Variants in DTL observed in about 807,000 individuals in gnomAD.
DTL encodes denticleless protein homolog.
In DTL, 46 loss-of-function variants were observed where a neutral mutation model predicts 87.0. The observed-to-expected ratio is 0.53, with a 90% CI of 0.42 to 0.68. The LOEUF is 0.68. Among genes scored for constraint, DTL ranks in the 30% least tolerant of loss-of-function variants. The probability of loss-of-function intolerance (pLI) is 0.00; values close to 1 mark genes in which losing one functional copy is unlikely to be tolerated. For synonymous variants in DTL, 308 were observed against 311.2 expected, an observed-to-expected ratio of 0.99 and a Z score of 0.11; for missense variants, 737 against 869.4, an observed-to-expected ratio of 0.85 and a Z score of 1.91.
intron 5 of DTL, among the ~76,000 whole-genome samples, chr1:212,055,799 T>A (rs185354188): frequency 1.9e-3 from 291 of 152,294 alleles, no homozygotes; most frequent in African/African-American, 6.5e-3. Flanking sequence ...CCAGGGTCAC[T>A]GAGGGCAGTT....
intron 3 of DTL, among the ~76,000 whole-genome samples, chr1:212,045,646 C>A (rs150377781): frequency 0.028 from 4,200 of 152,152 alleles, 148 homozygotes; most frequent in East Asian, 0.12. Context: ...GGAAAACTTA[C>A]GAAGCATGGG....
chr1:212,102,884 T>C lies in DTL; in HGVS notation c.2137T>C (p.Phe713Leu). 1 of 1,612,910 alleles carries C rather than the reference T, an allele frequency of 6.2e-7. No individual in the cohort carries two copies. The highest frequency in any genetic ancestry group is 8.5e-7 in the Non-Finnish European group (1 of 1,179,202). ...PSSMRKICTYFHRKSQEDFCG... is the reference protein window; with the variant it reads ...PSSMRKICTYLHRKSQEDFCG... ...CTCCATGAGGAAAATCTGCACATAC[T>C]TCCATAGAAAGTCCCAGGAGGACTT... Residue 713 changes from phenylalanine (F) to leucine (L), a missense_variant, in exon 15 of 15, where the codon TTC becomes CTC. By Grantham distance (22) the Phe-to-Leu change is conservative. Transcript: ENST00000366991.
At chr1:212,081,030 G>A (rs1654976200) in intron 13 of DTL, among the ~76,000 whole-genome samples, 1 of 151,866 alleles carries the variant, frequency 6.6e-6, no homozygotes, top group Non-Finnish European at 1.5e-5. Context: ...ATGAACAAAA[G>A]AATAAAAAAT....
intron 1 of DTL, among the ~76,000 whole-genome samples, chr1:212,039,832 T>G (rs1228947914): frequency 6.6e-6 from 1 of 152,130 alleles, no homozygotes. Flanking sequence ...AGATAAAAAA[T>G]GGTAACACCT....
At chr1:212,094,846 G>A (rs1440122729) in intron 13 of DTL, among the ~76,000 whole-genome samples, 2 of 151,840 alleles carry the variant, frequency 1.3e-5, no homozygotes, top group Admixed American at 6.6e-5. Flanking sequence ...CCTAGGTTTT[G>A]CAGCTATTGT....
Position 212,100,855 on chromosome 1 carries a change from C to T in DTL, c.1865C>T (p.Pro622Leu), listed in dbSNP as rs550425709. Reference sequence around the variant, plus strand: ...GCTGGTACCAGTATCTCAGAGCCTCCGTCTCCTATCAGTCCGTATGCTTCA... The same window carrying T: ...GCTGGTACCAGTATCTCAGAGCCTCTGTCTCCTATCAGTCCGTATGCTTCA... ...EGAGTSISEP[P>L]SPISPYASES... Residue 622 changes from proline (P) to leucine (L), a missense_variant, in exon 14 of 15, where the codon CCG (proline) becomes CTG (leucine). Pro to Leu is a moderately conservative substitution (Grantham distance 98). Coordinates refer to ENST00000366991, the MANE Select transcript of DTL (RefSeq NM_016448.4). 3.4e-5 allele frequency: 55 copies of T among 1,614,174 alleles called. No individual in the cohort carries two copies. Among genetic ancestry groups the T allele is most frequent in the East Asian group, 2.9e-4 (13 of 44,882 alleles).
At chr1:212,079,870 C>G (rs1378532203) in intron 12 of DTL, among the ~76,000 whole-genome samples, 1 of 151,986 alleles carries the variant, frequency 6.6e-6, no homozygotes, top group South Asian at 2.1e-4. Context: ...TTCTTTTTTT[C>G]TTTCTCTTTA....
intron 13 of DTL, among the ~76,000 whole-genome samples, chr1:212,098,669 A>C (rs1465915415): frequency 6.6e-6 from 1 of 151,928 alleles, no homozygotes; most frequent in African/African-American, 2.4e-5. Context: ...TGCTTCATAC[A>C]CATCACCAGG....
At chr1:212,056,611 A>G (rs1216654536) in intron 5 of DTL, among the ~76,000 whole-genome samples, 1 of 152,230 alleles carries the variant, frequency 6.6e-6, no homozygotes, top group Non-Finnish European at 1.5e-5. Flanking sequence ...ACACATCCAA[A>G]GGAACACAGT....
chr1:212,053,371 T>G (rs1668057335), intron 5 of DTL, among the ~76,000 whole-genome samples: 2 of 152,170 alleles, frequency 1.3e-5, no homozygotes, highest in African/African-American at 4.8e-5. Flanking sequence ...AATTTCTTTT[T>G]GTATTTTTTG....
chr1:212,062,410 A>G (rs1257900762), intron 5 of DTL, among the ~76,000 whole-genome samples: 1 of 120,024 alleles, frequency 8.3e-6, no homozygotes, highest in East Asian at 3.0e-4. Context: ...ATACTGAGCC[A>G]ATACAGTTTA....
intron 5 of DTL, among the ~76,000 whole-genome samples, chr1:212,048,705 AT>A (rs556953814): frequency 6.7e-4 from 101 of 151,682 alleles, no homozygotes; most frequent in African/African-American, 2.2e-3. Flanking sequence ...TCACTAAATA[AT>A]TTTTTTTAAA....
At chr1:212,098,898 A>G (rs1356058943) in intron 13 of DTL, among the ~76,000 whole-genome samples, 1 of 151,984 alleles carries the variant, frequency 6.6e-6, no homozygotes, top group East Asian at 1.9e-4. Context: ...TCATATCTGC[A>G]CTTCCTATTT....
chr1:212,037,267 A>C (rs1474345443), intron 1 of DTL, among the ~76,000 whole-genome samples: 2 of 152,104 alleles, frequency 1.3e-5, no homozygotes, highest in East Asian at 3.9e-4. Flanking sequence ...TCCTATTCTC[A>C]AGTACTCATT....
intron 5 of DTL, among the ~76,000 whole-genome samples, chr1:212,061,365 T>C (rs776632072): frequency 1.3e-5 from 2 of 152,006 alleles, no homozygotes; most frequent in East Asian, 3.9e-4. Context: ...CAGTGAGATA[T>C]CATCTTAACC....
intron 13 of DTL, among the ~76,000 whole-genome samples, chr1:212,092,342 C>T (rs2102579994): frequency 6.6e-6 from 1 of 152,260 alleles, no homozygotes; most frequent in Non-Finnish European, 1.5e-5. Flanking sequence ...CAAGACCAGC[C>T]TGGCCAACAT....
rs374139919 is a variant in DTL, at chr1:212,102,632, A to G, written c.2095-210A>G. ...TGTTTTCTATTCACATAAGAAGTCT[A>G]TGCCTTCTTTCCCTACATATCATCT... On this transcript the variant is annotated intron_variant, in intron 14 of 14. Coordinates refer to ENST00000366991, the MANE Select transcript of DTL (RefSeq NM_016448.4). 2.8e-4 allele frequency among the ~76,000 whole-genome samples: 42 copies of G among 152,166 alleles called. No homozygotes were observed. The South Asian group carries it at 6.7e-3, about 24-fold the overall frequency.
chr1:212,041,420 C>T (rs866872749), intron 1 of DTL, among the ~76,000 whole-genome samples: 4 of 146,396 alleles, frequency 2.7e-5, no homozygotes, highest in South Asian at 2.2e-4. Context: ...TGTATATTTA[C>T]ATAACCTTTG....
At chr1:212,040,766 G>A (rs531374638) in intron 1 of DTL, among the ~76,000 whole-genome samples, 8 of 152,302 alleles carry the variant, frequency 5.3e-5, no homozygotes, top group African/African-American at 1.4e-4. Flanking sequence ...AGCAGGTAAC[G>A]TCTATGGCAC....
Sources: gnomAD v4.1 joint callset for allele counts (sites outside exome capture counted in the v4.1 genomes callset) on GRCh38, gnomAD v4.1.1 for gene constraint, MANE v1.5 for transcripts, NCBI Gene and HGNC (gene_info 2026-07-23, HGNC 2026-07-21) for gene names.